The following USP32 variants were observed in gnomAD, a reference collection of about 807,000 sequenced individuals.
The protein encoded by USP32 is ubiquitin carboxyl-terminal hydrolase 32.
In USP32, 59 loss-of-function variants were observed where a neutral mutation model predicts 204.8. That is an observed-to-expected ratio of 0.29 (90% CI 0.23 to 0.36). USP32 has a LOEUF of 0.36. USP32 is among the 10% of genes least tolerant of loss of function. USP32 has a pLI of 1.00. For missense variants in USP32, 1,160 were observed against 1,946.4 expected (o/e 0.60, Z 7.60); for synonymous variants, 517 against 678.4 (o/e 0.76, Z 3.70).
Position 60,392,129 on chromosome 17 carries a change from T to C in USP32, c.-190A>G, listed in dbSNP as rs578124234. On this transcript the variant is annotated 5_prime_UTR_variant, in exon 1 of 34. Transcript: ENST00000300896. ...TCGCCGCCACCGCCTCCATGCCGGA[T>C]CACGTGACTCTTCCGCCCCGCCCCC... 1.2e-4 allele frequency: 70 copies of C among 566,572 alleles called. 2 individuals carry two copies. In the South Asian group the frequency reaches 1.5e-3, roughly 12 times the overall value. 35.1% of individuals were successfully genotyped at this position (566,572 alleles called of 1,614,324 possible). A position where few individuals can be genotyped will look rare whatever the true frequency, so the allele number is the denominator to read the frequency against.
At chr17:60,335,020 T>C (rs966279521) in intron 2 of USP32, among the ~76,000 whole-genome samples, 1 of 142,774 alleles carries the variant, frequency 7.0e-6, no homozygotes, top group Non-Finnish European at 1.5e-5. Flanking sequence ...AGGGTCTCTA[T>C]TGCCCAGGCT....
intron 9 of USP32, among the ~76,000 whole-genome samples, chr17:60,264,557 T>G (rs1281086920): frequency 6.7e-6 from 1 of 149,402 alleles, no homozygotes; most frequent in East Asian, 2.0e-4. Flanking sequence ...AGAAATTTCT[T>G]GAAAGAATAG....
intron 1 of USP32, among the ~76,000 whole-genome samples, chr17:60,406,202 T>C (rs959916348): frequency 2.2e-5 from 3 of 135,492 alleles, no homozygotes; most frequent in African/African-American, 5.5e-5. Flanking sequence ...AAAAAAAAAA[T>C]TTTTTTTTGG....
At chr17:60,374,779 G>A (rs918381966) in intron 1 of USP32, among the ~76,000 whole-genome samples, 1 of 152,118 alleles carries the variant, frequency 6.6e-6, no homozygotes, top group Non-Finnish European at 1.5e-5. Context: ...CAAGTAAATG[G>A]CTACGATGTC....
intron 5 of USP32, among the ~76,000 whole-genome samples, chr17:60,285,813 G>T (rs1350618787): frequency 1.3e-5 from 2 of 152,106 alleles, no homozygotes; most frequent in Non-Finnish European, 2.9e-5. Context: ...AGAAGAAAAA[G>T]AGAAGGCATT....
At chr17:60,360,005 C>A (rs981928059) in intron 1 of USP32, among the ~76,000 whole-genome samples, 35 of 151,896 alleles carry the variant, frequency 2.3e-4, no homozygotes, top group South Asian at 2.1e-4. Flanking sequence ...GTAGCTGGGA[C>A]TACAGGCGCC....
At chr17:60,348,241 G>GGTT (rs1796801365) in intron 1 of USP32, among the ~76,000 whole-genome samples, 1 of 152,066 alleles carries the variant, frequency 6.6e-6, no homozygotes, top group Admixed American at 6.6e-5. Context: ...GCTTAAGAGA[G>GGTT]GTTGATAGGA....
At chr17:60,405,698 G>A (rs2089970286) in intron 1 of USP32, among the ~76,000 whole-genome samples, 1 of 152,146 alleles carries the variant, frequency 6.6e-6, no homozygotes, top group Non-Finnish European at 1.5e-5. Flanking sequence ...GGGAGGTGGA[G>A]GCTGCAGTGA....
At chr17:60,412,345 A>C (rs2090025010) in intron 1 of USP32, among the ~76,000 whole-genome samples, 1 of 152,014 alleles carries the variant, frequency 6.6e-6, no homozygotes. Flanking sequence ...TCTCTACAAA[A>C]AATACAAAAA....
intron 11 of USP32, among the ~76,000 whole-genome samples, chr17:60,250,148 T>C (rs564854877): frequency 6.6e-6 from 1 of 152,310 alleles, no homozygotes; most frequent in Non-Finnish European, 1.5e-5. Flanking sequence ...CTAAACTTGA[T>C]TCTGCCAGTC....
chr17:60,208,390 ATTT>A (rs1348315571), intron 23 of USP32, among the ~76,000 whole-genome samples, 180 bp from the exon 24 acceptor site: 1 of 151,894 alleles, frequency 6.6e-6, no homozygotes, highest in South Asian at 2.1e-4. Flanking sequence ...TGAAATCAGT[ATTT>A]TTTTGGTGTT....
At chr17:60,351,475 C>G (rs1048029569) in intron 1 of USP32, among the ~76,000 whole-genome samples, 2 of 152,070 alleles carry the variant, frequency 1.3e-5, no homozygotes, top group Non-Finnish European at 2.9e-5. Context: ...CACTCCGTCC[C>G]CCAGGCTGGA....
chr17:60,392,622 G>T (rs1393959716), upstream of USP32: 1 of 451,692 alleles, frequency 2.2e-6, no homozygotes, highest in Non-Finnish European at 4.4e-6. Flanking sequence ...TGCGGCATAT[G>T]GCTCAGAAGA....
chr17:60,380,385 A>G (rs1229843729), intron 1 of USP32, among the ~76,000 whole-genome samples: 2 of 152,042 alleles, frequency 1.3e-5, no homozygotes, highest in African/African-American at 4.8e-5. Context: ...GGGGCAACAT[A>G]GCAAAACCCC....
At chr17:60,328,940 C>T (rs182682348) in intron 2 of USP32, among the ~76,000 whole-genome samples, 397 of 152,336 alleles carry the variant, frequency 2.6e-3, no homozygotes, top group Non-Finnish European at 4.5e-3. Context: ...CCCAGCTCCA[C>T]GCCTGACTCA....
At chr17:60,278,821 A>G (rs1334840317) in intron 5 of USP32, among the ~76,000 whole-genome samples, 1 of 152,234 alleles carries the variant, frequency 6.6e-6, no homozygotes, top group African/African-American at 2.4e-5. Flanking sequence ...CACGTACTAC[A>G]GTATAGGGGA....
chr17:60,289,165 G>A (rs1299229490), intron 4 of USP32, among the ~76,000 whole-genome samples: 4 of 151,978 alleles, frequency 2.6e-5, no homozygotes, highest in African/African-American at 9.7e-5. Context: ...CCACCACCAC[G>A]CCCGGCTAAT....
intron 9 of USP32, among the ~76,000 whole-genome samples, chr17:60,259,144 CCCTTTACA>C (rs1288646194): frequency 2.6e-5 from 4 of 152,118 alleles, no homozygotes; most frequent in Non-Finnish European, 1.5e-5. Flanking sequence ...TCCTTTAGCT[CCCTTTACA>C]CATTTTATGG....
At chr17:60,381,420 G>A (rs918300713) in intron 1 of USP32, among the ~76,000 whole-genome samples, 9 of 147,978 alleles carry the variant, frequency 6.1e-5, no homozygotes, top group Non-Finnish European at 5.9e-5. Flanking sequence ...CAGCTAGGGT[G>A]ACAGAGGGAG....
Sources: allele counts gnomAD v4.1 joint callset (sites outside exome capture counted in the v4.1 genomes callset), GRCh38; gene constraint gnomAD v4.1.1; transcripts MANE v1.5; gene names NCBI Gene and HGNC (gene_info 2026-07-23, HGNC 2026-07-21).